ABCC9: variants seen among roughly 807,000 people sequenced by gnomAD.
The protein encoded by ABCC9 is ATP-binding cassette sub-family C member 9.
In ABCC9, 95 loss-of-function variants were observed where a neutral mutation model predicts 188.3. That is an observed-to-expected ratio of 0.50 (90% CI 0.43 to 0.60). ABCC9 has a LOEUF of 0.60. Among genes scored for constraint, ABCC9 ranks in the 20% least tolerant of loss-of-function variants. The pLI is 0.00. For synonymous variants in ABCC9, 659 were observed against 652.7 expected (o/e 1.01, Z -0.15); for missense variants, 1,102 against 1,876.3 (o/e 0.59, Z 7.62).
intron 39 of ABCC9, 126 bp from the exon 40 acceptor site, chr12:21,801,307 G>T: frequency 8.3e-7 from 1 of 1,210,826 alleles, no homozygotes; most frequent in African/African-American, 1.5e-5. Context: ...AAGATGTAGG[G>T]ATCACAGACA....
chr12:21,901,653 T>C (rs1947756934), intron 12 of ABCC9, among the ~76,000 whole-genome samples: 1 of 152,072 alleles, frequency 6.6e-6, no homozygotes, highest in Admixed American at 6.6e-5. Flanking sequence ...GAGGTTGCAA[T>C]CCTAGTCTCA....
In ABCC9 at chr12:21,864,433, T is replaced by C. The variant is rs1945682454; in HGVS notation, c.2237+6A>G. On this transcript the variant is annotated splice_donor_region_variant and intron_variant, in intron 19 of 39. Coordinates refer to ENST00000261200, the MANE Select transcript of ABCC9 (RefSeq NM_020297.4). ...TATTAAACTCAGGTTAAAATAGAAATAATACCTTCTGGTTGCTTCAAAAGA... is the reference window on the plus strand; with the variant it reads ...TATTAAACTCAGGTTAAAATAGAAACAATACCTTCTGGTTGCTTCAAAAGA... The C allele has an allele frequency of 1.9e-6, 3 of 1,573,450 alleles. No individual in the cohort carries two copies. The highest frequency in any genetic ancestry group is 4.5e-5 in the East Asian group (2 of 44,616).
intron 5 of ABCC9, among the ~76,000 whole-genome samples, chr12:21,921,704 G>C (rs2137965212): frequency 6.6e-6 from 1 of 152,124 alleles, no homozygotes; most frequent in East Asian, 1.9e-4. Flanking sequence ...CACAGTTTAA[G>C]ATTTTAGATT....
At chr12:21,827,653 G>C (rs1003317590) in intron 31 of ABCC9, among the ~76,000 whole-genome samples, 5 of 151,886 alleles carry the variant, frequency 3.3e-5, no homozygotes, top group African/African-American at 1.2e-4. Flanking sequence ...TTTTGGTTTT[G>C]TGATAAATCC....
At chr12:21,931,267 C>G (rs1949275252) in intron 4 of ABCC9, among the ~76,000 whole-genome samples, 1 of 151,954 alleles carries the variant, frequency 6.6e-6, no homozygotes, top group South Asian at 2.1e-4. Flanking sequence ...TTCCCCTTTG[C>G]TCTGCACTTC....
intron 30 of ABCC9, among the ~76,000 whole-genome samples, chr12:21,829,491 G>T (rs111529410): frequency 6.6e-6 from 1 of 152,128 alleles, no homozygotes; most frequent in African/African-American, 2.4e-5. Context: ...GTGTGCCACC[G>T]CACCCGGCCC....
At chr12:21,938,996 A>G (rs928922004) in intron 2 of ABCC9, among the ~76,000 whole-genome samples, 25 of 152,220 alleles carry the variant, frequency 1.6e-4, no homozygotes, top group Admixed American at 1.4e-3. Flanking sequence ...TAGGAATCCA[A>G]TGGTGCACGT....
chr12:21,882,931 A>G, intron 15 of ABCC9, 58 bp from the exon 16 acceptor site: 3 of 1,389,288 alleles, frequency 2.2e-6, no homozygotes, highest in Non-Finnish European at 3.1e-6. Context: ...ATGAAGTTTT[A>G]CTGAACACTT....
At chr12:21,936,191 G>A (rs1949480136) in intron 3 of ABCC9, among the ~76,000 whole-genome samples, 1 of 152,116 alleles carries the variant, frequency 6.6e-6, no homozygotes, top group African/African-American at 2.4e-5. Flanking sequence ...ATTCCCTGAA[G>A]GCAAGTACTC....
intron 37 of ABCC9, among the ~76,000 whole-genome samples, chr12:21,809,002 T>A (rs755019336): frequency 1.9e-4 from 29 of 152,074 alleles, no homozygotes; most frequent in African/African-American, 2.4e-5. Flanking sequence ...CAGATAAACA[T>A]AATTTTATTT....
intron 2 of ABCC9, among the ~76,000 whole-genome samples, chr12:21,938,463 T>C (rs964247772): frequency 3.9e-5 from 6 of 152,278 alleles, no homozygotes; most frequent in Admixed American, 2.6e-4. Context: ...TATAGGTGTA[T>C]GTTAGATGTA....
At chr12:21,886,300 C>T (rs1946871443) in intron 15 of ABCC9, among the ~76,000 whole-genome samples, 1 of 152,086 alleles carries the variant, frequency 6.6e-6, no homozygotes, top group African/African-American at 2.4e-5. Context: ...CTCCCTATTT[C>T]AGTTAATGGC....
intron 30 of ABCC9, among the ~76,000 whole-genome samples, chr12:21,834,760 TTATACA>T (rs913244844): frequency 6.8e-6 from 1 of 147,580 alleles, no homozygotes; most frequent in Non-Finnish European, 1.5e-5. Flanking sequence ...TATATATGAC[TTATACA>T]TATAGCATAT....
At chr12:21,902,560 T>TAAA (rs1947817064) in intron 12 of ABCC9, among the ~76,000 whole-genome samples, 3 of 150,796 alleles carry the variant, frequency 2.0e-5, no homozygotes, top group Non-Finnish European at 3.0e-5. Context: ...GCAAGACTAA[T>TAAA]GAGAAAAGAG....
intron 12 of ABCC9, among the ~76,000 whole-genome samples, chr12:21,904,243 G>C (rs966579520): frequency 7.9e-5 from 12 of 152,166 alleles, no homozygotes; most frequent in African/African-American, 2.9e-4. Context: ...AGCTGAAACT[G>C]GATCCCTTCT....
At chr12:21,916,522 A>C (rs1393972712) in intron 6 of ABCC9, among the ~76,000 whole-genome samples, 1 of 152,152 alleles carries the variant, frequency 6.6e-6, no homozygotes, top group Non-Finnish European at 1.5e-5. Context: ...CTATCTCTAC[A>C]TGTTTCTTCA....
intron 11 of ABCC9, among the ~76,000 whole-genome samples, chr12:21,907,251 A>G (rs113368719): frequency 1.2e-4 from 18 of 152,024 alleles, no homozygotes; most frequent in Admixed American, 1.3e-4. Flanking sequence ...TGGAGTAAAA[A>G]GGATAGCTGG....
chr12:21,837,451 A>G (rs1944160885), intron 30 of ABCC9, among the ~76,000 whole-genome samples: 1 of 152,154 alleles, frequency 6.6e-6, no homozygotes, highest in South Asian at 2.1e-4. Flanking sequence ...CTAAAATATC[A>G]ATTTTCTAGA....
chr12:21,912,373 T>A (rs573009695), intron 8 of ABCC9, among the ~76,000 whole-genome samples: 3 of 152,010 alleles, frequency 2.0e-5, no homozygotes, highest in Non-Finnish European at 4.4e-5. Context: ...TATAATAACA[T>A]AATGTCTAAT....
Sources: allele counts gnomAD v4.1 joint callset (sites outside exome capture counted in the v4.1 genomes callset), GRCh38; gene constraint gnomAD v4.1.1; transcripts MANE v1.5; gene names NCBI Gene and HGNC (gene_info 2026-07-23, HGNC 2026-07-21).